WIPF1: variants seen among roughly 807,000 people sequenced by gnomAD.
WIPF1 encodes the protein WAS/WASL interacting protein family member 1, also known as WAS/WASL-interacting protein family member 1.
A neutral mutation model predicts 35.4 loss-of-function variants in WIPF1; 13 were observed. The ratio of observed to expected loss-of-function variants is 0.37; its 90% confidence interval spans 0.24 to 0.58. WIPF1 has a LOEUF of 0.58. Among genes scored for constraint, WIPF1 ranks in the 20% least tolerant of loss-of-function variants. The probability of loss-of-function intolerance (pLI) is 0.74; values close to 1 mark genes in which losing one functional copy is unlikely to be tolerated. For missense variants in WIPF1, 591 were observed against 667.0 expected (o/e 0.89, Z 1.25); for synonymous variants, 267 against 266.3 (o/e 1.00, Z -0.02).
intron 1 of WIPF1, among the ~76,000 whole-genome samples, chr2:174,658,594 T>C (rs1687693271): frequency 6.6e-6 from 1 of 152,086 alleles, no homozygotes; most frequent in African/African-American, 2.4e-5. Context: ...CTTGGAATCA[T>C]AGTGAAGTTA....
At chr2:174,575,445 A>T in intron 3 of WIPF1, 65 bp from the exon 4 acceptor site, 3 of 1,488,712 alleles carry the variant, frequency 2.0e-6, no homozygotes, top group Non-Finnish European at 2.7e-6. Flanking sequence ...CCATAAAACA[A>T]CAGTACAACA....
At chr2:174,615,785 CGGA>C (rs1574837591) in intron 1 of WIPF1, among the ~76,000 whole-genome samples, 2 of 152,162 alleles carry the variant, frequency 1.3e-5, no homozygotes, top group East Asian at 3.9e-4. Flanking sequence ...CAAAGGTCAT[CGGA>C]GGACATTATT....
At chr2:174,574,306 A>C (rs1386314196) in intron 4 of WIPF1, among the ~76,000 whole-genome samples, 3 of 152,158 alleles carry the variant, frequency 2.0e-5, no homozygotes, top group Non-Finnish European at 4.4e-5. Flanking sequence ...GTTTTAAATA[A>C]ATTTAAATTC....
intron 1 of WIPF1, among the ~76,000 whole-genome samples, chr2:174,647,623 T>C (rs1234744880): frequency 7.0e-6 from 1 of 142,726 alleles, no homozygotes; most frequent in Non-Finnish European, 1.5e-5. Flanking sequence ...CCGTGCCCCC[T>C]TGGCCTCCCA....
intron 4 of WIPF1, among the ~76,000 whole-genome samples, chr2:174,573,991 G>A (rs1684965681): frequency 6.6e-6 from 1 of 151,482 alleles, no homozygotes. Flanking sequence ...CTGGGCTCAG[G>A]CAATCCTCCC....
At chr2:174,575,959 T>C (rs1028344694) in intron 3 of WIPF1, among the ~76,000 whole-genome samples, 2 of 151,180 alleles carry the variant, frequency 1.3e-5, no homozygotes, top group African/African-American at 4.9e-5. Flanking sequence ...TTCACAAATA[T>C]ACAAATATCC....
At chr2:174,612,831 C>T (rs1196307551) in intron 1 of WIPF1, among the ~76,000 whole-genome samples, 1 of 151,970 alleles carries the variant, frequency 6.6e-6, no homozygotes. Context: ...CTATTTGAAC[C>T]TAAAGGTTAC....
chr2:174,615,543 AAT>A lies in WIPF1; in HGVS notation c.-38-29934_-38-29933del, dbSNP rs375214785. On this transcript the variant is annotated intron_variant, in intron 1 of 8. Coordinates refer to the WIPF1 transcript ENST00000272746. ...TTTATGGAAAAGGAAATATTTATAAAATATGTTAGTAAAAGCACTGTTTATGT... is the reference window on the plus strand; with the variant it reads ...TTTATGGAAAAGGAAATATTTATAAAATGTTAGTAAAAGCACTGTTTATGT... 8.3e-4 allele frequency among the ~76,000 whole-genome samples: 126 copies of A among 152,372 alleles called. 1 individual carries two copies. The East Asian group carries it at 0.016, about 20-fold the overall frequency.
intron 1 of WIPF1, among the ~76,000 whole-genome samples, chr2:174,594,943 G>A (rs897308581): frequency 4.1e-4 from 62 of 150,936 alleles, no homozygotes; most frequent in Non-Finnish European, 4.4e-5. Flanking sequence ...CCCAAGGCCG[G>A]AAAAGCACCT....
chr2:174,681,707 G>C (rs1688248291), intron 1 of WIPF1, among the ~76,000 whole-genome samples: 1 of 152,118 alleles, frequency 6.6e-6, no homozygotes, highest in African/African-American at 2.4e-5. Flanking sequence ...GGGGTCCAGA[G>C]ACGATCCAGG....
At chr2:174,579,860 G>C (rs1278809936) in intron 3 of WIPF1, among the ~76,000 whole-genome samples, 1 of 152,184 alleles carries the variant, frequency 6.6e-6, no homozygotes, top group African/African-American at 2.4e-5. Flanking sequence ...GGCTTGGAGG[G>C]CTGAGGGATT....
intron 1 of WIPF1, among the ~76,000 whole-genome samples, chr2:174,651,181 T>C (rs1687526209): frequency 6.6e-6 from 1 of 152,234 alleles, no homozygotes; most frequent in Admixed American, 6.5e-5. Context: ...AGCTGCTTCT[T>C]AAGCACCAGC....
chr2:174,580,328 C>T (rs1387785673), intron 3 of WIPF1, among the ~76,000 whole-genome samples: 5 of 152,194 alleles, frequency 3.3e-5, no homozygotes, highest in Non-Finnish European at 5.9e-5. Context: ...AAGGCCTTAT[C>T]TAGGTCTTTC....
At chr2:174,595,862 A>G (rs1333593521) in intron 1 of WIPF1, among the ~76,000 whole-genome samples, 1 of 152,236 alleles carries the variant, frequency 6.6e-6, no homozygotes, top group Non-Finnish European at 1.5e-5. Context: ...CAACAAGCAC[A>G]TGTTTAACAA....
intron 1 of WIPF1, chr2:174,625,796 G>A (rs1425358749): frequency 1.3e-5 from 2 of 152,166 alleles, no homozygotes; most frequent in African/African-American, 4.8e-5. Context: ...GACTTCAGAA[G>A]TCAAATGTAA....
intron 1 of WIPF1, among the ~76,000 whole-genome samples, chr2:174,634,094 G>A (rs760409580): frequency 2.0e-5 from 3 of 152,114 alleles, no homozygotes; most frequent in African/African-American, 4.8e-5. Flanking sequence ...ATATAACCTC[G>A]CAAGCACGTT....
intron 1 of WIPF1, among the ~76,000 whole-genome samples, chr2:174,592,404 G>A (rs1006902078): frequency 6.6e-6 from 1 of 151,302 alleles, no homozygotes; most frequent in Admixed American, 6.6e-5. Flanking sequence ...GTTGCTAAAA[G>A]TAACCCTTAA....
At chr2:174,662,357 T>C (rs892399406) in intron 1 of WIPF1, among the ~76,000 whole-genome samples, 1 of 152,148 alleles carries the variant, frequency 6.6e-6, no homozygotes, top group Admixed American at 6.5e-5. Flanking sequence ...GGTCAACTGT[T>C]CCCCATACAT....
rs1261849475 is a variant in WIPF1, at chr2:174,569,012, G to C, written c.1130-939C>G. Among the ~76,000 whole-genome samples the C allele has an allele frequency of 3.9e-5, 6 of 152,114 alleles. No individual in the cohort carries two copies. The East Asian group carries it at 1.2e-3, about 29-fold the overall frequency. On this transcript the variant is annotated intron_variant, in intron 5 of 7. Transcript: ENST00000679041. ...AATGCAGGGGCTATTTGAGTAGTAAGTAAATTAAAAAAAACAAAACCAAAA... is the reference window on the plus strand; with the variant it reads ...AATGCAGGGGCTATTTGAGTAGTAACTAAATTAAAAAAAACAAAACCAAAA...
Sources: allele counts gnomAD v4.1 joint callset (sites outside exome capture counted in the v4.1 genomes callset), GRCh38; gene constraint gnomAD v4.1.1; transcripts MANE v1.5; gene names NCBI Gene and HGNC (gene_info 2026-07-23, HGNC 2026-07-21).